The following ARHGAP22 variants were observed in gnomAD, a reference collection of about 807,000 sequenced individuals.
ARHGAP22 encodes the protein Rho GTPase activating protein 22, also known as rho GTPase-activating protein 22.
In ARHGAP22, 48 loss-of-function variants were observed where a neutral mutation model predicts 59.1. The observed-to-expected ratio is 0.81, with a 90% CI of 0.64 to 1.03. The LOEUF (loss-of-function observed/expected upper bound fraction) is 1.03. Ranked by LOEUF, ARHGAP22 falls within the 50% of genes least tolerant of loss-of-function variation. ARHGAP22 has a pLI of 0.00. For synonymous variants in ARHGAP22, 445 were observed against 416.4 expected (o/e 1.07, Z -0.84); for missense variants, 1,015 against 958.7 (o/e 1.06, Z -0.78).
At chr10:48,608,828 T>C (rs2060774338), upstream of ARHGAP22, among the ~76,000 whole-genome samples, 2 of 152,222 alleles carry the variant, frequency 1.3e-5, no homozygotes, top group African/African-American at 2.4e-5. Context: ...AATTAATGTA[T>C]ATAAACTTAT....
At chr10:48,599,928 G>C (rs1449763588) in intron 1 of ARHGAP22, among the ~76,000 whole-genome samples, 2 of 152,194 alleles carry the variant, frequency 1.3e-5, no homozygotes, top group African/African-American at 4.8e-5. Flanking sequence ...ATCCCTGGGG[G>C]CATGAGCTGT....
intron 3 of ARHGAP22, chr10:48,524,092 A>G: frequency 8.4e-6 from 12 of 1,425,938 alleles, no homozygotes; most frequent in Non-Finnish European, 1.1e-5. Context: ...TCCTTGCAGC[A>G]GCACAGCCCC....
At chr10:48,537,319 G>A (rs968465841) in intron 3 of ARHGAP22, among the ~76,000 whole-genome samples, 1 of 152,202 alleles carries the variant, frequency 6.6e-6, no homozygotes, top group Non-Finnish European at 1.5e-5. Context: ...ATGGAAGACT[G>A]TGGACCAGAG....
At chr10:48,490,713 C>T (rs80329278) in intron 3 of ARHGAP22, among the ~76,000 whole-genome samples, 2,569 of 152,310 alleles carry the variant, frequency 0.017, 71 homozygotes, top group African/African-American at 0.058. Flanking sequence ...TGACCCCAGT[C>T]TCCCTGGTGG....
intron 4 of ARHGAP22, among the ~76,000 whole-genome samples, chr10:48,472,194 C>T (rs1164819007): frequency 6.6e-6 from 1 of 150,532 alleles, no homozygotes; most frequent in African/African-American, 2.5e-5. Flanking sequence ...GGTGACAGAG[C>T]AAGACTCAGT....
intron 1 of ARHGAP22, among the ~76,000 whole-genome samples, chr10:48,639,621 G>A (rs2136145887): frequency 6.6e-6 from 1 of 152,330 alleles, no homozygotes; most frequent in East Asian, 1.9e-4. Flanking sequence ...GTACGAGCAA[G>A]AGTAAAGGCA....
chr10:48,480,489 C>T (rs1375297889), intron 3 of ARHGAP22, among the ~76,000 whole-genome samples: 4 of 152,208 alleles, frequency 2.6e-5, no homozygotes, highest in African/African-American at 4.8e-5. Flanking sequence ...ATGAGTTTGT[C>T]TTTATACATC....
At chr10:48,525,573 A>AAAAC (rs1181834395) in intron 3 of ARHGAP22, among the ~76,000 whole-genome samples, 1 of 152,242 alleles carries the variant, frequency 6.6e-6, no homozygotes, top group Non-Finnish European at 1.5e-5. Context: ...ATTCTGTCTC[A>AAAAC]AAACAAACAA....
In ARHGAP22 at chr10:48,450,656, G is replaced by C. The variant is rs1259419863; in HGVS notation, c.1473C>G (p.Thr491=). The change falls in exon 9 of 10, where the codon ACC becomes ACG. Residue 491 remains threonine, a synonymous_variant. Transcript: ENST00000249601. ...KDSGSVQRLS[T]YDNVPAPGLV... is the part of the protein sequence containing the mutation. ...GGCCCGGCGCGGGCACATTGTCGTA[G>C]GTGGAGAGTCTCTGCACGGAGCCCG... is the stretch of plus-strand genomic sequence containing the variant. The C allele has an allele frequency of 1.9e-6, 3 of 1,550,458 alleles. No homozygotes were observed. Among genetic ancestry groups the C allele is most frequent in the Non-Finnish European group, 2.6e-6 (3 of 1,147,112 alleles).
intron 9 of ARHGAP22, among the ~76,000 whole-genome samples, 194 bp downstream of exon 9, chr10:48,450,067 T>C (rs1356400310): frequency 6.6e-6 from 1 of 152,248 alleles, no homozygotes; most frequent in Non-Finnish European, 1.5e-5. Flanking sequence ...CGTGCCAGAC[T>C]GACTGCGTGC....
At chr10:48,455,436 T>C (rs960932035) in intron 5 of ARHGAP22, among the ~76,000 whole-genome samples, 3 of 152,176 alleles carry the variant, frequency 2.0e-5, no homozygotes, top group African/African-American at 7.2e-5. Flanking sequence ...TGTCAGTCCG[T>C]CCAGAACCTG....
chr10:48,534,893 A>T (rs2055200781), intron 3 of ARHGAP22, among the ~76,000 whole-genome samples: 3 of 152,150 alleles, frequency 2.0e-5, no homozygotes, highest in Non-Finnish European at 2.9e-5. Flanking sequence ...TATAGGAAAA[A>T]TTCATTTTAC....
chr10:48,432,566 A>G, the ARHGAP22 span, among the ~76,000 whole-genome samples: 2 of 152,136 alleles, frequency 1.3e-5, no homozygotes, highest in Non-Finnish European at 2.9e-5. Context: ...TTGTATTGCT[A>G]TATAGTAGTA....
intron 3 of ARHGAP22, among the ~76,000 whole-genome samples, chr10:48,503,538 C>T (rs913391095): frequency 2.0e-5 from 3 of 152,234 alleles, no homozygotes; most frequent in Non-Finnish European, 4.4e-5. Context: ...CACCACCACC[C>T]TGCTAACACC....
intron 2 of ARHGAP22, among the ~76,000 whole-genome samples, chr10:48,576,578 A>G (rs2058724709): frequency 6.6e-6 from 1 of 152,182 alleles, no homozygotes; most frequent in Non-Finnish European, 1.5e-5. Context: ...TGTATGCTCA[A>G]AATCTCAAAA....
At chr10:48,581,822 T>G (rs1361444010) in intron 2 of ARHGAP22, among the ~76,000 whole-genome samples, 1 of 152,186 alleles carries the variant, frequency 6.6e-6, no homozygotes, top group Non-Finnish European at 1.5e-5. Context: ...GAACTTTCCA[T>G]AGAGGTAGCT....
At chr10:48,643,764 A>AAATATATATATATATATATATATAT (rs887902062) in intron 1 of ARHGAP22, among the ~76,000 whole-genome samples, 1 of 144,268 alleles carries the variant, frequency 6.9e-6, no homozygotes, top group African/African-American at 2.6e-5. Context: ...AAAAAAAAAA[A>AAATATATATATATATATATATATAT]ATATATATAT....
chr10:48,479,896 T>C, intron 3 of ARHGAP22, 132 bp from the exon 4 acceptor site: 1 of 856,894 alleles, frequency 1.2e-6, no homozygotes, highest in Non-Finnish European at 1.7e-6. Flanking sequence ...GCTTTGCTTT[T>C]ATCTCACAGT....
intron 1 of ARHGAP22, among the ~76,000 whole-genome samples, chr10:48,600,320 T>C (rs1280769666): frequency 2.0e-5 from 3 of 152,152 alleles, no homozygotes; most frequent in Admixed American, 1.3e-4. Context: ...GAGATCACTC[T>C]AGGGTGCTAG....
Sources: gnomAD v4.1 joint callset for allele counts (sites outside exome capture counted in the v4.1 genomes callset) on GRCh38, gnomAD v4.1.1 for gene constraint, MANE v1.5 for transcripts, NCBI Gene and HGNC (gene_info 2026-07-23, HGNC 2026-07-21) for gene names.